XXYLT1: variants seen among roughly 807,000 people sequenced by gnomAD.
The protein encoded by XXYLT1 is UDP-xylose:alpha-xyloside alpha-1,3-xylosyltransferase.
A neutral mutation model predicts 28.9 loss-of-function variants in XXYLT1; 20 were observed. That is an observed-to-expected ratio of 0.69 (90% CI 0.49 to 1.00). XXYLT1 has a LOEUF of 1.00. Among genes scored for constraint, XXYLT1 ranks in the 50% least tolerant of loss-of-function variants. The probability of loss-of-function intolerance (pLI) is 0.00; values close to 1 mark genes in which losing one functional copy is unlikely to be tolerated. For missense variants in XXYLT1, 542 were observed against 560.1 expected, an observed-to-expected ratio of 0.97 and a Z score of 0.33; for synonymous variants, 257 against 253.8, an observed-to-expected ratio of 1.01 and a Z score of -0.12.
intron 3 of XXYLT1, among the ~76,000 whole-genome samples, chr3:195,074,087 T>G (rs1184110150): frequency 6.6e-6 from 1 of 152,102 alleles, no homozygotes; most frequent in South Asian, 2.1e-4. Flanking sequence ...TCTTCGTGAT[T>G]TTTTTTCTCC....
chr3:195,123,777 G>C (rs1027893458), intron 3 of XXYLT1, among the ~76,000 whole-genome samples: 15 of 152,140 alleles, frequency 9.9e-5, no homozygotes, highest in Non-Finnish European at 1.5e-5. Context: ...TAATCACAAA[G>C]GGGGGCACCA....
At chr3:195,089,035 C>T (rs1715980538) in intron 3 of XXYLT1, among the ~76,000 whole-genome samples, 1 of 151,782 alleles carries the variant, frequency 6.6e-6, no homozygotes, top group Non-Finnish European at 1.5e-5. Flanking sequence ...GTGAAAAGAC[C>T]AAATCTACGT....
intron 3 of XXYLT1, chr3:195,122,276 G>T (rs778981932): frequency 7.5e-6 from 5 of 668,230 alleles, no homozygotes; most frequent in Middle Eastern, 3.1e-4. Flanking sequence ...ATTTTGGGGG[G>T]ATACAATTAT....
rs1717078952 is a variant in XXYLT1 at position 195,106,279 on chromosome 3, C to CTGTTGT, written c.786-36169_786-36168insACAACA. Among the ~76,000 whole-genome samples the CTGTTGT allele has an allele frequency of 1.4e-5, 2 of 142,226 alleles. 1 individual carries two copies. Among genetic ancestry groups the CTGTTGT allele is most frequent in the Admixed American group, 1.4e-4 (2 of 14,730 alleles). The allele number at this position is 142,226 out of a possible 152,430, so 93.3% of individuals were successfully genotyped here. A position where few individuals can be genotyped will look rare whatever the true frequency, so the allele number is the denominator to read the frequency against. On this transcript the variant is annotated intron_variant, in intron 3 of 3. Coordinates refer to ENST00000310380, the MANE Select transcript of XXYLT1 (RefSeq NM_152531.5). ...CGTTTTTGATGGAGAGATGCTCTTG[C>CTGTTGT]TGTGTTTTTGACGGAGAGATGCTCT...
At chr3:195,197,497 G>A (rs1722677440) in intron 2 of XXYLT1, among the ~76,000 whole-genome samples, 2 of 151,216 alleles carry the variant, frequency 1.3e-5, no homozygotes. Flanking sequence ...AGGACAGACT[G>A]AGAACCAAAT....
chr3:195,236,650 C>G (rs1055838951), intron 1 of XXYLT1, among the ~76,000 whole-genome samples: 6 of 147,816 alleles, frequency 4.1e-5, no homozygotes, highest in Admixed American at 3.3e-4. Context: ...CTCCTTTACT[C>G]AAGCAGAAGG....
chr3:195,130,756 C>A (rs1057103759), intron 3 of XXYLT1, among the ~76,000 whole-genome samples: 25 of 152,170 alleles, frequency 1.6e-4, no homozygotes, highest in African/African-American at 6.0e-4. Context: ...AGAATCTGAA[C>A]AAATGTACCC....
At chr3:195,182,811 G>A (rs544903658) in intron 2 of XXYLT1, among the ~76,000 whole-genome samples, 1 of 152,068 alleles carries the variant, frequency 6.6e-6, no homozygotes, top group Non-Finnish European at 1.5e-5. Flanking sequence ...CCTATAAACG[G>A]TAAGGATTAA....
chr3:195,128,552 C>T (rs1407296324), intron 3 of XXYLT1, among the ~76,000 whole-genome samples: 1 of 152,210 alleles, frequency 6.6e-6, no homozygotes, highest in Non-Finnish European at 1.5e-5. Flanking sequence ...AGCACTCTTA[C>T]CTGCACACCC....
chr3:195,177,936 TAA>T (rs56022005), intron 2 of XXYLT1, among the ~76,000 whole-genome samples: 26 of 115,590 alleles, frequency 2.2e-4, no homozygotes, highest in Admixed American at 5.2e-4. Flanking sequence ...CTCTGTCTCT[TAA>T]AAAAAAAAAA....
chr3:195,184,632 A>G (rs1722097773), intron 2 of XXYLT1: 1 of 985,298 alleles, frequency 1.0e-6, no homozygotes, highest in African/African-American at 1.7e-5. Context: ...AGGTCTACTT[A>G]CCCAGAAACA....
chr3:195,109,037 A>G (rs943328891), intron 3 of XXYLT1, among the ~76,000 whole-genome samples: 3 of 152,196 alleles, frequency 2.0e-5, no homozygotes, highest in African/African-American at 7.2e-5. Context: ...TATTTCCAAT[A>G]TATTGATAAA....
At chr3:195,137,153 A>G (rs1719242160) in intron 3 of XXYLT1, among the ~76,000 whole-genome samples, 1 of 152,164 alleles carries the variant, frequency 6.6e-6, no homozygotes. Flanking sequence ...GAGAAGGGGC[A>G]CTGAAGGGAA....
At chr3:195,089,428 G>C (rs1006107975) in intron 3 of XXYLT1, among the ~76,000 whole-genome samples, 4 of 152,220 alleles carry the variant, frequency 2.6e-5, no homozygotes, top group Non-Finnish European at 5.9e-5. Context: ...GCCAAACTAA[G>C]CTTCATAAGT....
chr3:195,271,033 G>A lies in XXYLT1; in HGVS notation c.26C>T (p.Pro9Leu). 1 of 1,456,578 alleles carries A rather than the reference G, an allele frequency of 6.9e-7. No homozygotes were observed. The highest frequency in any genetic ancestry group is 9.0e-7 in the Non-Finnish European group (1 of 1,109,236). 90.2% of individuals were successfully genotyped at this position (1,456,578 alleles called of 1,614,324 possible). A position where few individuals can be genotyped will look rare whatever the true frequency, so the allele number is the denominator to read the frequency against. ...CAGGCGCGCCATGGCCCGAGCGCAT[G>A]GGAGCCCGCCTCGGAGGAGGCCCAT... Reference protein sequence around the residue: MGLLRGGLPCARAMARLGA... With the variant: MGLLRGGLLCARAMARLGA... The change falls in exon 1 of 4, where the codon CCA becomes CTA. Residue 9 changes from proline (P) to leucine (L), a missense_variant. Coordinates refer to ENST00000310380, the MANE Select transcript of XXYLT1 (RefSeq NM_152531.5).
At chr3:195,072,948 A>C (rs2108637009) in intron 3 of XXYLT1, among the ~76,000 whole-genome samples, 1 of 152,322 alleles carries the variant, frequency 6.6e-6, no homozygotes, top group African/African-American at 2.4e-5. Context: ...ATCCCATGGC[A>C]AAATGGCCTA....
chr3:195,122,197 A>G, intron 3 of XXYLT1: 1 of 702,742 alleles, frequency 1.4e-6, no homozygotes, highest in Non-Finnish European at 2.6e-6. Flanking sequence ...ATTCATGATG[A>G]CCTAATCACT....
intron 3 of XXYLT1, among the ~76,000 whole-genome samples, chr3:195,119,123 A>G (rs1460296810): frequency 6.8e-6 from 1 of 146,990 alleles, no homozygotes; most frequent in Non-Finnish European, 1.5e-5. Context: ...TAAAAATACA[A>G]AAAAAAAAAA....
At chr3:195,090,820 C>T (rs368862723) in intron 3 of XXYLT1, among the ~76,000 whole-genome samples, 1,753 of 150,610 alleles carry the variant, frequency 0.012, 21 homozygotes, top group Middle Eastern at 0.034. Flanking sequence ...ATCAAATAGA[C>T]GCAATAAAAA....
Sources: allele counts gnomAD v4.1 joint callset (sites outside exome capture counted in the v4.1 genomes callset), GRCh38; gene constraint gnomAD v4.1.1; transcripts MANE v1.5; gene names NCBI Gene and HGNC (gene_info 2026-07-23, HGNC 2026-07-21).